SLC35F3: variants seen among roughly 807,000 people sequenced by gnomAD.
SLC35F3 encodes the protein putative thiamine transporter SLC35F3.
SLC35F3 carries 25 observed loss-of-function variants against 49.9 expected under a neutral mutation model. That is an observed-to-expected ratio of 0.50 (90% CI 0.37 to 0.70). The LOEUF (loss-of-function observed/expected upper bound fraction) is 0.70. Ranked by LOEUF, SLC35F3 falls within the 30% of genes least tolerant of loss-of-function variation. The probability of loss-of-function intolerance (pLI) is 0.00; values close to 1 mark genes in which losing one functional copy is unlikely to be tolerated. For missense variants in SLC35F3, 525 were observed against 639.8 expected (o/e 0.82, Z 1.94); for synonymous variants, 275 against 265.4 (o/e 1.04, Z -0.35).
chr1:233,961,748 G>A (rs192123149), intron 2 of SLC35F3, among the ~76,000 whole-genome samples: 4 of 152,146 alleles, frequency 2.6e-5, no homozygotes, highest in East Asian at 1.9e-4. Context: ...GAGCCACAGC[G>A]CCTGGCCTCT....
intron 2 of SLC35F3, among the ~76,000 whole-genome samples, chr1:233,938,311 A>C (rs1208394225): frequency 1.3e-5 from 2 of 152,160 alleles, no homozygotes; most frequent in Non-Finnish European, 2.9e-5. Flanking sequence ...TCTTCATTGT[A>C]CTGGCTTAAG....
At chr1:234,201,526 T>A (rs917297256) in intron 2 of SLC35F3, among the ~76,000 whole-genome samples, 3 of 152,188 alleles carry the variant, frequency 2.0e-5, no homozygotes, top group African/African-American at 7.2e-5. Context: ...CTTCATATCT[T>A]AGATGATGTA....
chr1:234,042,239 TG>T lies in SLC35F3; in HGVS notation c.283+136482del, dbSNP rs1445637951. Among the ~76,000 whole-genome samples the T allele has an allele frequency of 5.9e-5, 9 of 152,270 alleles. No individual in the cohort carries two copies. The South Asian group carries it at 1.9e-3, about 32-fold the overall frequency. On this transcript the variant is annotated intron_variant, in intron 2 of 7. Coordinates refer to ENST00000366618, the MANE Select transcript of SLC35F3 (RefSeq NM_173508.4). Reference sequence around the variant, plus strand: ...CCATGTGGATCATTATCAAGTCATTTGTATCAGAATTAATATTTCATATAGC... The same window carrying T: ...CCATGTGGATCATTATCAAGTCATTTTATCAGAATTAATATTTCATATAGC...
At chr1:234,284,163 C>CCAAAGTGT (rs1283468524) in intron 3 of SLC35F3, among the ~76,000 whole-genome samples, 18 of 152,158 alleles carry the variant, frequency 1.2e-4, no homozygotes, top group Admixed American at 1.1e-3. Context: ...CCTTGGCCTC[C>CCAAAGTGT]CAAAGTGTTG....
chr1:234,048,009 G>A (rs1664319714), intron 2 of SLC35F3, among the ~76,000 whole-genome samples: 1 of 152,048 alleles, frequency 6.6e-6, no homozygotes, highest in African/African-American at 2.4e-5. Context: ...ACAGAAATGG[G>A]GAACAAGTTA....
At chr1:234,286,059 C>T (rs1173325675) in intron 3 of SLC35F3, among the ~76,000 whole-genome samples, 2 of 152,098 alleles carry the variant, frequency 1.3e-5, no homozygotes, top group Non-Finnish European at 1.5e-5. Flanking sequence ...ATCAATGACA[C>T]AAAATCAGAG....
At chr1:233,922,315 C>A (rs1236819505) in intron 2 of SLC35F3, among the ~76,000 whole-genome samples, 1 of 152,058 alleles carries the variant, frequency 6.6e-6, no homozygotes, top group Admixed American at 6.5e-5. Flanking sequence ...TGTTTCCTGA[C>A]TTTTTAATGA....
chr1:234,321,703 T>A (rs1449554411), intron 7 of SLC35F3, among the ~76,000 whole-genome samples: 2 of 152,054 alleles, frequency 1.3e-5, no homozygotes, highest in Non-Finnish European at 2.9e-5. Context: ...TAATGATGAG[T>A]CCAGAAAAGG....
intron 2 of SLC35F3, among the ~76,000 whole-genome samples, chr1:233,970,595 T>C (rs910467107): frequency 6.6e-6 from 1 of 152,218 alleles, no homozygotes; most frequent in Non-Finnish European, 1.5e-5. Context: ...AACATGGCTA[T>C]ATTTGAAGAC....
chr1:233,923,429 C>T (rs1662101621), intron 2 of SLC35F3, among the ~76,000 whole-genome samples: 1 of 152,138 alleles, frequency 6.6e-6, no homozygotes, highest in Non-Finnish European at 1.5e-5. Flanking sequence ...GGAGTTCACT[C>T]ATGATTTGGC....
intron 2 of SLC35F3, among the ~76,000 whole-genome samples, chr1:233,947,341 GGAGA>G (rs148848593): frequency 4.0e-5 from 6 of 149,858 alleles, no homozygotes; most frequent in East Asian, 2.0e-4. Context: ...GTAAGAGGGA[GGAGA>G]GAGAGAGAGA....
chr1:234,124,853 A>C (rs78667461), intron 2 of SLC35F3, among the ~76,000 whole-genome samples: 1 of 102,578 alleles, frequency 9.7e-6, no homozygotes, highest in African/African-American at 2.7e-5. Context: ...CTTTAAAAAC[A>C]AGAGAGAAAT....
chr1:234,035,605 C>T (rs1664130488), intron 2 of SLC35F3, among the ~76,000 whole-genome samples: 1 of 152,006 alleles, frequency 6.6e-6, no homozygotes, highest in Non-Finnish European at 1.5e-5. Context: ...ATGACCTGGC[C>T]CTGGCCCTCT....
chr1:234,115,572 T>A (rs1665474169), intron 2 of SLC35F3, among the ~76,000 whole-genome samples: 1 of 152,208 alleles, frequency 6.6e-6, no homozygotes, highest in Non-Finnish European at 1.5e-5. Context: ...TATCCCCACT[T>A]AACATGTTCA....
At chr1:233,914,825 A>C (rs181951299) in intron 2 of SLC35F3, among the ~76,000 whole-genome samples, 58 of 152,282 alleles carry the variant, frequency 3.8e-4, no homozygotes, top group African/African-American at 1.3e-3. Flanking sequence ...TTAATAGAGC[A>C]GGGAACCAGT....
intron 3 of SLC35F3, among the ~76,000 whole-genome samples, chr1:234,280,815 A>G (rs1668312549): frequency 6.6e-6 from 1 of 152,196 alleles, no homozygotes; most frequent in Admixed American, 6.5e-5. Context: ...GCTCAGAGAG[A>G]TTGAACAACT....
chr1:234,194,829 C>T (rs896555137), intron 2 of SLC35F3, among the ~76,000 whole-genome samples: 1 of 152,082 alleles, frequency 6.6e-6, no homozygotes, highest in Non-Finnish European at 1.5e-5. Flanking sequence ...CCAATTCAAA[C>T]ATGGGTTTTT....
At chr1:234,129,080 T>C (rs188241796) in intron 2 of SLC35F3, among the ~76,000 whole-genome samples, 1 of 152,330 alleles carries the variant, frequency 6.6e-6, no homozygotes, top group Non-Finnish European at 1.5e-5. Flanking sequence ...TTTGCATTGA[T>C]GTTTATCAAG....
intron 2 of SLC35F3, among the ~76,000 whole-genome samples, chr1:233,951,345 C>G (rs1424014687): frequency 6.6e-6 from 1 of 151,890 alleles, no homozygotes; most frequent in Non-Finnish European, 1.5e-5. Flanking sequence ...CAGTAATGTT[C>G]TAGGCCTTCA....
Sources: allele counts gnomAD v4.1 joint callset (sites outside exome capture counted in the v4.1 genomes callset), GRCh38; gene constraint gnomAD v4.1.1; transcripts MANE v1.5; gene names NCBI Gene and HGNC (gene_info 2026-07-23, HGNC 2026-07-21).